Variants in DOK6 observed in about 807,000 individuals in gnomAD.
DOK6 encodes docking protein 6, also known as downstream of tyrosine kinase 6.
In DOK6, 22 loss-of-function variants were observed where a neutral mutation model predicts 44.0. The observed-to-expected ratio is 0.50, with a 90% CI of 0.36 to 0.71. The LOEUF (loss-of-function observed/expected upper bound fraction) is 0.71. Ranked by LOEUF, DOK6 falls within the 30% of genes least tolerant of loss-of-function variation. DOK6 has a pLI of 0.00. For synonymous variants in DOK6, 166 were observed against 145.5 expected (o/e 1.14, Z -1.01); for missense variants, 340 against 416.4 (o/e 0.82, Z 1.60).
intron 1 of DOK6, among the ~76,000 whole-genome samples, chr18:69,422,054 A>C (rs775607545): frequency 5.9e-5 from 9 of 152,192 alleles, no homozygotes; most frequent in African/African-American, 9.7e-5. Flanking sequence ...ACCTTCCATC[A>C]TGTGTACCCT....
intron 1 of DOK6, among the ~76,000 whole-genome samples, chr18:69,437,972 T>C (rs997023160): frequency 6.6e-6 from 1 of 152,188 alleles, no homozygotes; most frequent in African/African-American, 2.4e-5. Context: ...TAAAAAGTAA[T>C]TTTTTGCTAA....
rs868460119 is a variant in DOK6, at chr18:69,517,199, A to G, written c.67-47288A>G. On this transcript the variant is annotated intron_variant, in intron 1 of 7. Transcript: ENST00000382713. Reference sequence around the variant, plus strand: ...CCTAAGTCAGAATAGAGTCAAAGCCAAGATTAACAAGTGGTCTTATTAAGC... The same window carrying G: ...CCTAAGTCAGAATAGAGTCAAAGCCGAGATTAACAAGTGGTCTTATTAAGC... Among the ~76,000 whole-genome samples, 3 of 152,178 alleles carry G rather than the reference A, an allele frequency of 2.0e-5. No individual in the cohort carries two copies. The South Asian group carries it at 6.2e-4, about 31-fold the overall frequency.
intron 1 of DOK6, among the ~76,000 whole-genome samples, chr18:69,524,685 G>A (rs937345336): frequency 2.0e-5 from 3 of 151,796 alleles, no homozygotes; most frequent in African/African-American, 7.2e-5. Context: ...GAAATGTAAT[G>A]AAAAACCATT....
chr18:69,627,565 C>T (rs1004375103), intron 3 of DOK6, among the ~76,000 whole-genome samples: 14 of 152,170 alleles, frequency 9.2e-5, no homozygotes, highest in South Asian at 4.1e-4. Flanking sequence ...TCTCCTGCTT[C>T]GGCCTCCCAA....
At chr18:69,723,963 T>G (rs2144725816) in intron 5 of DOK6, among the ~76,000 whole-genome samples, 1 of 152,322 alleles carries the variant, frequency 6.6e-6, no homozygotes, top group Non-Finnish European at 1.5e-5. Flanking sequence ...TGCATCCTAG[T>G]GCACCGCAAC....
intron 7 of DOK6, among the ~76,000 whole-genome samples, chr18:69,777,456 C>T (rs1401893208): frequency 6.6e-6 from 1 of 152,062 alleles, no homozygotes; most frequent in Non-Finnish European, 1.5e-5. Context: ...CAGTTTTTCA[C>T]TTTCACTTGT....
chr18:69,793,341 C>T (rs982780042), intron 7 of DOK6, among the ~76,000 whole-genome samples: 1 of 152,078 alleles, frequency 6.6e-6, no homozygotes, highest in African/African-American at 2.4e-5. Flanking sequence ...CTGTTTTTAC[C>T]TATCTCCAAG....
In DOK6 at chr18:69,752,439, T is replaced by C. The variant is rs1269412690; in HGVS notation, c.739-5317T>C. ...AAATTTTTCTCAAAATTTTTTAGTT[T>C]TGAGATTTTTTAGTTTTTAGTTCCA... On this transcript the variant is annotated intron_variant, in intron 6 of 7. Transcript: ENST00000382713. Among the ~76,000 whole-genome samples, 7 of 152,188 alleles carry C rather than the reference T, an allele frequency of 4.6e-5. No homozygotes were observed. The East Asian group carries it at 1.2e-3, about 25-fold the overall frequency.
At chr18:69,658,743 G>C (rs181831874) in intron 3 of DOK6, among the ~76,000 whole-genome samples, 338 of 152,204 alleles carry the variant, frequency 2.2e-3, no homozygotes, top group African/African-American at 7.8e-3. Flanking sequence ...CTAATATAGA[G>C]AGCTCAAAAT....
chr18:69,726,212 T>C (rs1427027967), intron 5 of DOK6, among the ~76,000 whole-genome samples: 1 of 152,214 alleles, frequency 6.6e-6, no homozygotes, highest in Non-Finnish European at 1.5e-5. Context: ...TCTTTCTCGC[T>C]TCTTTGGCCT....
At chr18:69,649,716 G>A (rs1258847641) in intron 3 of DOK6, among the ~76,000 whole-genome samples, 1 of 152,024 alleles carries the variant, frequency 6.6e-6, no homozygotes, top group South Asian at 2.1e-4. Flanking sequence ...AAGAAACATT[G>A]CATATTTAGA....
At chr18:69,491,219 C>T (rs1980725719) in intron 1 of DOK6, among the ~76,000 whole-genome samples, 1 of 152,036 alleles carries the variant, frequency 6.6e-6, no homozygotes, top group Non-Finnish European at 1.5e-5. Context: ...TTAAATTAAC[C>T]AACCAATGTT....
intron 1 of DOK6, among the ~76,000 whole-genome samples, chr18:69,519,296 T>C (rs1407366690): frequency 6.6e-6 from 1 of 151,898 alleles, no homozygotes; most frequent in Non-Finnish European, 1.5e-5. Flanking sequence ...TAGTAATTTA[T>C]AGTGAAGAAA....
At chr18:69,601,499 A>T (rs574303390) in intron 3 of DOK6, among the ~76,000 whole-genome samples, 1 of 152,254 alleles carries the variant, frequency 6.6e-6, no homozygotes, top group African/African-American at 2.4e-5. Flanking sequence ...GGTTTGTTGA[A>T]TTTTGTTGGT....
chr18:69,645,363 G>A (rs1197256482), intron 3 of DOK6, among the ~76,000 whole-genome samples: 1 of 152,066 alleles, frequency 6.6e-6, no homozygotes, highest in Non-Finnish European at 1.5e-5. Context: ...AGAATCATGT[G>A]TCCTTTTTAG....
rs954578526 is a variant in DOK6 at position 69,843,152 on chromosome 18, G to A, written c.*1769G>A. The A allele has an allele frequency of 1.3e-5, 2 of 152,270 alleles. No homozygotes were observed. The highest frequency in any genetic ancestry group is 1.9e-4 in the East Asian group (1 of 5,182). 9.4% of individuals were successfully genotyped at this position (152,270 alleles called of 1,614,324 possible). ...TGAAAACCCCATCAAGATACTAATC[G>A]TAAGAGTTAATGTGGCTGCAAAAAA... On this transcript the variant is annotated 3_prime_UTR_variant, in exon 8 of 8. Coordinates refer to ENST00000382713, the MANE Select transcript of DOK6 (RefSeq NM_152721.6).
intron 5 of DOK6, among the ~76,000 whole-genome samples, chr18:69,724,399 C>T (rs1978296246): frequency 6.6e-6 from 1 of 152,112 alleles, no homozygotes; most frequent in African/African-American, 2.4e-5. Flanking sequence ...GGAGCTTTAA[C>T]AACTAGCAAA....
At chr18:69,551,133 T>C (rs1196416981) in intron 1 of DOK6, among the ~76,000 whole-genome samples, 2 of 152,198 alleles carry the variant, frequency 1.3e-5, no homozygotes, top group African/African-American at 2.4e-5. Flanking sequence ...TGAAGAAAGC[T>C]TTCCTTCTTT....
At chr18:69,643,953 G>A (rs1985007282) in intron 3 of DOK6, among the ~76,000 whole-genome samples, 1 of 152,144 alleles carries the variant, frequency 6.6e-6, no homozygotes, top group Admixed American at 6.5e-5. Context: ...CCGGATAGGT[G>A]CGTAGTGACA....
Sources: allele counts gnomAD v4.1 joint callset (sites outside exome capture counted in the v4.1 genomes callset), GRCh38; gene constraint gnomAD v4.1.1; transcripts MANE v1.5; gene names NCBI Gene and HGNC (gene_info 2026-07-23, HGNC 2026-07-21).